Variants in CHST3 observed in about 807,000 individuals in gnomAD.
CHST3 encodes the protein C6ST-1.
A neutral mutation model predicts 35.4 loss-of-function variants in CHST3; 20 were observed. That is an observed-to-expected ratio of 0.57 (90% confidence interval 0.40 to 0.82). The LOEUF (loss-of-function observed/expected upper bound fraction) is 0.82. CHST3 is among the 40% of genes least tolerant of loss of function. The pLI, the probability that CHST3 is intolerant of heterozygous loss-of-function variation, is 0.00. For synonymous variants in CHST3, 334 were observed against 295.9 expected (o/e 1.13, Z -1.32); for missense variants, 693 against 670.1 (o/e 1.03, Z -0.38).
intron 1 of CHST3, among the ~76,000 whole-genome samples, chr10:71,981,517 C>T (rs957593206): frequency 6.6e-6 from 1 of 152,224 alleles, no homozygotes; most frequent in African/African-American, 2.4e-5. Flanking sequence ...GCTCCCTCAA[C>T]TGGACTTTGA....
chr10:71,980,669 G>T (rs1009687373), intron 1 of CHST3, among the ~76,000 whole-genome samples: 1 of 152,202 alleles, frequency 6.6e-6, no homozygotes, highest in African/African-American at 2.4e-5. Context: ...TTCCCAGGAG[G>T]GGCTGATACT....
At chr10:71,993,204 C>T (rs1279643497) in intron 1 of CHST3, among the ~76,000 whole-genome samples, 2 of 152,190 alleles carry the variant, frequency 1.3e-5, no homozygotes, top group Non-Finnish European at 2.9e-5. Flanking sequence ...GGACACCCTG[C>T]TCCAAATCCT....
chr10:71,973,476 G>A (rs1022230416), intron 1 of CHST3, among the ~76,000 whole-genome samples: 1 of 152,226 alleles, frequency 6.6e-6, no homozygotes, highest in Non-Finnish European at 1.5e-5. Flanking sequence ...CCTGAGCAGA[G>A]AGAAGGAAGC....
In CHST3 at chr10:72,008,294, C is replaced by G. The variant is rs746386664; in HGVS notation, c.1263C>G (p.Ser421=). 2.5e-6 allele frequency: 4 copies of G among 1,585,986 alleles called. No individual in the cohort carries two copies. The highest frequency in any genetic ancestry group is 1.3e-5 in the African/African-American group (1 of 74,338). Residue 421 remains serine (S), a synonymous_variant, in exon 3 of 3, where the codon TCC becomes TCG. Transcript: ENST00000373115. ...GCATCTACTCCACGCAGAAGAACTCCTCGGAGCAGTTCGAGAAGTGGCGCT... is the reference window on the plus strand; with the variant it reads ...GCATCTACTCCACGCAGAAGAACTCGTCGGAGCAGTTCGAGAAGTGGCGCT... ...GSGIYSTQKN[S]SEQFEKWRFS... is the part of the protein sequence containing the mutation.
chr10:71,998,541 C>T (rs1839962841), intron 1 of CHST3, among the ~76,000 whole-genome samples: 3 of 152,222 alleles, frequency 2.0e-5, no homozygotes, highest in Admixed American at 6.5e-5. Flanking sequence ...TGGAAGGGAT[C>T]GTATCCAATG....
At chr10:71,984,326 G>A (rs552417226) in intron 1 of CHST3, among the ~76,000 whole-genome samples, 2 of 152,188 alleles carry the variant, frequency 1.3e-5, no homozygotes, top group Non-Finnish European at 2.9e-5. Context: ...CTCGGCTGAC[G>A]GCCTTTTGAG....
chr10:71,989,399 A>G (rs1220668854), intron 1 of CHST3, among the ~76,000 whole-genome samples: 1 of 152,082 alleles, frequency 6.6e-6, no homozygotes, highest in African/African-American at 2.4e-5. Flanking sequence ...GTGAGCCATG[A>G]TCACACCACC....
intron 1 of CHST3, among the ~76,000 whole-genome samples, chr10:71,975,858 T>C (rs913402850): frequency 6.6e-6 from 1 of 152,256 alleles, no homozygotes; most frequent in Non-Finnish European, 1.5e-5. Flanking sequence ...AATGACATCC[T>C]CTCACCTTCA....
rs760264135 is a variant in CHST3, at chr10:72,008,528, G to A, written c.*57G>A. On this transcript the variant is annotated 3_prime_UTR_variant, in exon 3 of 3. Coordinates refer to ENST00000373115, the MANE Select transcript of CHST3 (RefSeq NM_004273.5). ...GAAAGGCCTGCCCCGTCTTTCTGCCGCAGCCCTCGCAGAGGGCGGGTGCAC... is the reference window on the plus strand; with the variant it reads ...GAAAGGCCTGCCCCGTCTTTCTGCCACAGCCCTCGCAGAGGGCGGGTGCAC... 110 of 1,454,472 alleles carry A rather than the reference G, an allele frequency of 7.6e-5. 1 individual carries two copies. Among genetic ancestry groups the A allele is most frequent in the Middle Eastern group, 2.5e-4 (1 of 3,974 alleles). The allele number at this position is 1,454,472 out of a possible 1,614,324, so 90.1% of individuals were successfully genotyped here. A position where few individuals can be genotyped will look rare whatever the true frequency, so the allele number is the denominator to read the frequency against.
chr10:71,999,606 C>T (rs1285906755), intron 1 of CHST3, among the ~76,000 whole-genome samples: 1 of 152,236 alleles, frequency 6.6e-6, no homozygotes, highest in East Asian at 1.9e-4. Flanking sequence ...GTTTTGCTGC[C>T]TGATGCAATG....
chr10:71,985,554 C>T (rs896654949), intron 1 of CHST3, among the ~76,000 whole-genome samples: 8 of 152,322 alleles, frequency 5.3e-5, no homozygotes, highest in Admixed American at 3.9e-4. Context: ...TAGTTCACTC[C>T]TCTGCCCTAG....
At position 71,967,453 on chromosome 10, in the gene CHST3, G is replaced by C. The variant is rs556521629; in HGVS notation, c.-108+2759G>C. ...TGATTTTCTGTTCCTGTGTTAGTTTGCTTAGGATAATAGCCGCTAACTCCA... is the reference window on the plus strand; with the variant it reads ...TGATTTTCTGTTCCTGTGTTAGTTTCCTTAGGATAATAGCCGCTAACTCCA... On this transcript the variant is annotated intron_variant, in intron 1 of 2. Coordinates refer to ENST00000373115, the MANE Select transcript of CHST3 (RefSeq NM_004273.5). 3.3e-5 allele frequency among the ~76,000 whole-genome samples: 5 copies of C among 152,298 alleles called. No individual in the cohort carries two copies. The East Asian group carries it at 9.6e-4, about 29-fold the overall frequency.
intron 1 of CHST3, among the ~76,000 whole-genome samples, chr10:71,995,049 A>G (rs990290733): frequency 1.3e-5 from 2 of 152,176 alleles, no homozygotes; most frequent in Non-Finnish European, 2.9e-5. Flanking sequence ...AGACCACTCA[A>G]ACTTTCTCCA....
chr10:71,975,055 C>T (rs1190814945), intron 1 of CHST3, among the ~76,000 whole-genome samples: 3 of 152,170 alleles, frequency 2.0e-5, no homozygotes, highest in African/African-American at 7.2e-5. Context: ...ATGGTGCCTG[C>T]TGTTTGGGTG....
In CHST3 at chr10:72,008,489, A is replaced by G; in HGVS notation, c.*18A>G. 1 of 1,501,928 alleles carries G rather than the reference A, an allele frequency of 6.7e-7. No homozygotes were observed. The highest frequency in any genetic ancestry group is 2.5e-5 in the East Asian group (1 of 40,808). 93.0% of individuals were successfully genotyped at this position (1,501,928 alleles called of 1,614,324 possible). On this transcript the variant is annotated 3_prime_UTR_variant, in exon 3 of 3. Coordinates refer to ENST00000373115, the MANE Select transcript of CHST3 (RefSeq NM_004273.5). The stretch of plus-strand genomic sequence containing the variant: ...TCACGTAGGGGGGCCGGGGCCCCGT[A>G]TGCCCCTCCTCGTGAAAGGCCTGCC...
chr10:72,007,469 G>A lies in CHST3; in HGVS notation c.438G>A (p.Ser146=), dbSNP rs1840052821. The stretch of plus-strand genomic sequence containing the variant: ...TGGCCACCACGCGCACCGGCTCCTC[G>A]TTCGTGGGCGAGTTCTTCAACCAGC... ...LLMATTRTGS[S]FVGEFFNQQG... The change falls in exon 3 of 3, where the codon TCG becomes TCA. Residue 146 remains serine (S), a synonymous_variant. Transcript: ENST00000373115. 6 of 1,602,244 alleles carry A rather than the reference G, an allele frequency of 3.7e-6. No homozygotes were observed. Among genetic ancestry groups the A allele is most frequent in the Non-Finnish European group, 5.1e-6 (6 of 1,179,736 alleles).
At chr10:72,002,158 G>A (rs1839998502) in intron 1 of CHST3, among the ~76,000 whole-genome samples, 1 of 152,206 alleles carries the variant, frequency 6.6e-6, no homozygotes, top group African/African-American at 2.4e-5. Context: ...TGTCTGGGCA[G>A]GGCAAGGGAG....
chr10:72,002,301 A>G (rs1840001737), intron 1 of CHST3, among the ~76,000 whole-genome samples: 1 of 152,148 alleles, frequency 6.6e-6, no homozygotes, highest in Admixed American at 6.5e-5. Flanking sequence ...TTAAAAAAAG[A>G]AATAGTCCCT....
Position 71,976,070 on chromosome 10 carries a change from C to T in CHST3, c.-108+11376C>T, listed in dbSNP as rs188484111. On this transcript the variant is annotated intron_variant, in intron 1 of 2. Coordinates refer to ENST00000373115, the MANE Select transcript of CHST3 (RefSeq NM_004273.5). ...TGACACTGGGTAGCACAGCCCTGTT[C>T]GATTCTCTGTTCGGGGCTTGCACTT... Among the ~76,000 whole-genome samples the T allele has an allele frequency of 2.3e-3, 356 of 152,322 alleles. 2 individuals are homozygous for T. Among genetic ancestry groups the T allele is most frequent in the Non-Finnish European group, 2.8e-3 (190 of 68,032 alleles).
Sources: allele counts gnomAD v4.1 joint callset (sites outside exome capture counted in the v4.1 genomes callset), GRCh38; gene constraint gnomAD v4.1.1; transcripts MANE v1.5; gene names NCBI Gene and HGNC (gene_info 2026-07-23, HGNC 2026-07-21).